DOP1B: variants seen among roughly 807,000 people sequenced by gnomAD.
DOP1B encodes protein DOP1B.
Under a neutral mutation model 233.5 loss-of-function variants are expected in DOP1B, and 174 were observed. That is an observed-to-expected ratio of 0.75 (90% confidence interval 0.66 to 0.85). DOP1B has a LOEUF of 0.85. DOP1B is among the 40% of genes least tolerant of loss of function. The pLI is 0.00. For synonymous variants in DOP1B, 1,190 were observed against 1,185.6 expected (o/e 1.00, Z -0.08); for missense variants, 2,652 against 2,846.6 (o/e 0.93, Z 1.56).
At chr21:36,192,914 C>T (rs760002600) in intron 2 of DOP1B, among the ~76,000 whole-genome samples, 2 of 152,070 alleles carry the variant, frequency 1.3e-5, no homozygotes, top group Non-Finnish European at 2.9e-5. Context: ...TGGTCTTGAT[C>T]TCCTGACCTC....
rs150423189 is a variant in DOP1B, at chr21:36,186,064, G to A, written c.139-13006G>A. ...CTAAAAATACAAAAATTAGCTGGGC[G>A]TGGTGGCGGGCGCCTGTAATCCCAG... On this transcript the variant is annotated intron_variant, in intron 2 of 36. Coordinates refer to ENST00000691173, the MANE Select transcript of DOP1B (RefSeq NM_001320714.2). Among the ~76,000 whole-genome samples, 15 of 152,246 alleles carry A rather than the reference G, an allele frequency of 9.9e-5. No homozygotes were observed. In the East Asian group the frequency reaches 2.1e-3, roughly 22 times the overall value.
At chr21:36,160,472 GT>G (rs1253578207) in intron 1 of DOP1B, among the ~76,000 whole-genome samples, 1 of 134,192 alleles carries the variant, frequency 7.5e-6, no homozygotes. Context: ...TCTATTTTAA[GT>G]TTTCTTTTTT....
At chr21:36,201,968 T>C (rs752420650) in intron 4 of DOP1B, among the ~76,000 whole-genome samples, 1 of 151,976 alleles carries the variant, frequency 6.6e-6, no homozygotes, top group East Asian at 1.9e-4. Context: ...GTGGATCACT[T>C]GAGGTCAGGA....
At chr21:36,229,911 C>T (rs576312041) in intron 13 of DOP1B, among the ~76,000 whole-genome samples, 11 of 152,208 alleles carry the variant, frequency 7.2e-5, no homozygotes, top group Middle Eastern at 3.4e-3. Flanking sequence ...GATCCACCCA[C>T]CTCATCCTCC....
Position 36,281,627 on chromosome 21 carries a change from T to G in DOP1B, c.6160+16T>G. The G allele has an allele frequency of 6.4e-7, 1 of 1,552,382 alleles. No homozygotes were observed. The highest frequency in any genetic ancestry group is 8.8e-7 in the Non-Finnish European group (1 of 1,139,980). On this transcript the variant is annotated intron_variant, in intron 32 of 36. Transcript: ENST00000691173. ...CTGATACAAGGTAAGACAGCTGTCT[T>G]AGTCTGTTTTTTGCTGCTATAACAG... is the stretch of plus-strand genomic sequence containing the variant.
rs1375799964 is a variant in DOP1B at position 36,240,120 on chromosome 21, G to A, written c.3067+165G>A. Among the ~76,000 whole-genome samples, 10 of 152,282 alleles carry A rather than the reference G, an allele frequency of 6.6e-5. No homozygotes were observed. The South Asian group carries it at 1.7e-3, about 25-fold the overall frequency. Reference sequence around the variant, plus strand: ...GGCAATTTAAGGACCTAGTGATCTAGCATTTAGAACTATTAGGGAGTGGGT... The same window carrying A: ...GGCAATTTAAGGACCTAGTGATCTAACATTTAGAACTATTAGGGAGTGGGT... On this transcript the variant is annotated intron_variant, in intron 18 of 36. Transcript: ENST00000691173.
chr21:36,287,446 T>A (rs1332081110), intron 32 of DOP1B, among the ~76,000 whole-genome samples: 1 of 152,146 alleles, frequency 6.6e-6, no homozygotes, highest in Admixed American at 6.6e-5. Flanking sequence ...TGTTCATGTC[T>A]TTCTACTCAG....
At chr21:36,292,949 G>A (rs1407611129) in intron 36 of DOP1B, among the ~76,000 whole-genome samples, 3 of 152,046 alleles carry the variant, frequency 2.0e-5, no homozygotes, top group Non-Finnish European at 4.4e-5. Context: ...CATGAGGCTG[G>A]TAATCCCAGC....
In DOP1B at chr21:36,164,804, C is replaced by T; in HGVS notation, c.71C>T (p.Ala24Val). 6.2e-7 allele frequency: 1 copy of T among 1,612,660 alleles called. No homozygotes were observed. The highest frequency in any genetic ancestry group is 8.5e-7 in the Non-Finnish European group (1 of 1,179,420). Residue 24 changes from alanine to valine, a missense_variant, in exon 2 of 37, where the codon GCT (alanine) becomes GTT (valine). Coordinates refer to ENST00000691173, the MANE Select transcript of DOP1B (RefSeq NM_001320714.2). ...YRSYSSVIEKALRNFESSSEW... is the reference protein window; with the variant it reads ...YRSYSSVIEKVLRNFESSSEW... Reference sequence around the variant, plus strand: ...AGCTACTCTTCAGTGATTGAAAAGGCTTTGAGAAATTTTGAGTCCTCGAGT... The same window carrying T: ...AGCTACTCTTCAGTGATTGAAAAGGTTTTGAGAAATTTTGAGTCCTCGAGT...
intron 14 of DOP1B, among the ~76,000 whole-genome samples, chr21:36,232,038 G>T (rs1031770685): frequency 6.6e-6 from 1 of 152,122 alleles, no homozygotes; most frequent in South Asian, 2.1e-4. Flanking sequence ...TAGAGACAGG[G>T]TTTCACCATG....
At chr21:36,196,887 C>T (rs532818758) in intron 2 of DOP1B, among the ~76,000 whole-genome samples, 4 of 152,058 alleles carry the variant, frequency 2.6e-5, no homozygotes, top group Non-Finnish European at 5.9e-5. Flanking sequence ...CACTTGCTCT[C>T]CAGCCTGTGT....
intron 12 of DOP1B, among the ~76,000 whole-genome samples, chr21:36,227,285 C>T (rs1029317782): frequency 4.6e-5 from 7 of 151,752 alleles, no homozygotes; most frequent in South Asian, 2.1e-4. Context: ...CGGTGGCTCA[C>T]GCCTGTAATT....
chr21:36,198,823 G>A (rs928476419), intron 2 of DOP1B, among the ~76,000 whole-genome samples: 3 of 152,160 alleles, frequency 2.0e-5, no homozygotes, highest in African/African-American at 2.4e-5. Flanking sequence ...CACCCATCAC[G>A]GGCTCAGAGG....
chr21:36,288,120 T>G lies in DOP1B; in HGVS notation c.6267T>G (p.Thr2089=), dbSNP rs748800995. 6 of 1,614,068 alleles carry G rather than the reference T, an allele frequency of 3.7e-6. No homozygotes were observed. The highest frequency in any genetic ancestry group is 5.1e-6 in the Non-Finnish European group (6 of 1,179,996). The change falls in exon 33 of 37, where the codon ACT becomes ACG. Residue 2089 remains threonine, a synonymous_variant. Coordinates refer to ENST00000691173, the MANE Select transcript of DOP1B (RefSeq NM_001320714.2). ...LLLRISPQHL[T]SLWPIMVSEL... is the part of the protein sequence containing the mutation. ...TAAGAATATCTCCTCAACATTTGACTTCATTGTGGCCAATAATGGTCTCTG... is the reference window on the plus strand; with the variant it reads ...TAAGAATATCTCCTCAACATTTGACGTCATTGTGGCCAATAATGGTCTCTG...
At chr21:36,205,472 T>G (rs964898170) in intron 4 of DOP1B, among the ~76,000 whole-genome samples, 3 of 152,094 alleles carry the variant, frequency 2.0e-5, no homozygotes, top group African/African-American at 7.2e-5. Context: ...CCCTGCAGCC[T>G]CCACCTCCTG....
At chr21:36,168,847 T>TA (rs1568996661) in intron 2 of DOP1B, 1 of 345,226 alleles carries the variant, frequency 2.9e-6, no homozygotes, top group African/African-American at 2.1e-5. Context: ...TTCAGTTTTT[T>TA]AAAAATGATA....
chr21:36,278,729 C>T (rs1225704939), intron 30 of DOP1B, among the ~76,000 whole-genome samples: 1 of 151,948 alleles, frequency 6.6e-6, no homozygotes, highest in African/African-American at 2.4e-5. Flanking sequence ...ATTAGCCGGG[C>T]ATGGCAGCGC....
At chr21:36,187,670 G>A (rs552170347) in intron 2 of DOP1B, among the ~76,000 whole-genome samples, 2 of 152,116 alleles carry the variant, frequency 1.3e-5, no homozygotes, top group South Asian at 2.1e-4. Flanking sequence ...GCAGAGGTGC[G>A]ATCGTAGCTC....
At position 36,227,045 on chromosome 21, in the gene DOP1B, A is replaced by C. The variant is rs190468206; in HGVS notation, c.1474-641A>C. On this transcript the variant is annotated intron_variant, in intron 12 of 36. Transcript: ENST00000691173. Reference sequence around the variant, plus strand: ...ACGGTGAAACCCCGTCTCTACTAAAAAAAATACAAAAAGTTAGCCGGGTGT... The same window carrying C: ...ACGGTGAAACCCCGTCTCTACTAAACAAAATACAAAAAGTTAGCCGGGTGT... Among the ~76,000 whole-genome samples the C allele has an allele frequency of 5.3e-3, 763 of 144,332 alleles. 9 individuals carry two copies. The highest frequency in any genetic ancestry group is 8.4e-3 in the Non-Finnish European group (552 of 65,812). The allele number at this position is 144,332 out of a possible 152,430, so 94.7% of individuals were successfully genotyped here. A position where few individuals can be genotyped will look rare whatever the true frequency, so the allele number is the denominator to read the frequency against.
Sources: allele counts gnomAD v4.1 joint callset (sites outside exome capture counted in the v4.1 genomes callset), GRCh38; gene constraint gnomAD v4.1.1; transcripts MANE v1.5; gene names NCBI Gene and HGNC (gene_info 2026-07-23, HGNC 2026-07-21).